The following SLC44A5 variants were observed in gnomAD, a reference collection of about 807,000 sequenced individuals.
SLC44A5 encodes solute carrier family 44 member 5.
SLC44A5 carries 57 observed loss-of-function variants against 101.8 expected under a neutral mutation model. That is an observed-to-expected ratio of 0.56 (90% CI 0.45 to 0.70). SLC44A5 has a LOEUF of 0.70. Among genes scored for constraint, SLC44A5 ranks in the 30% least tolerant of loss-of-function variants. The pLI is 0.00. For synonymous variants in SLC44A5, 281 were observed against 290.9 expected, an observed-to-expected ratio of 0.97 and a Z score of 0.35; for missense variants, 737 against 853.1, an observed-to-expected ratio of 0.86 and a Z score of 1.70.
chr1:75,668,441 T>C, the SLC44A5 span, among the ~76,000 whole-genome samples: 134,994 of 149,074 alleles, frequency 0.91, 61,467 homozygotes, highest in Middle Eastern at 0.94. Flanking sequence ...CCTCCAGCCT[T>C]AGCCTCCCGA....
At chr1:75,322,861 G>T (rs1165249083) in intron 4 of SLC44A5, among the ~76,000 whole-genome samples, 1 of 152,178 alleles carries the variant, frequency 6.6e-6, no homozygotes, top group Non-Finnish European at 1.5e-5. Context: ...CCAGGTAATT[G>T]TGACTAAGCT....
chr1:75,470,034 C>G (rs1460974609), intron 2 of SLC44A5, among the ~76,000 whole-genome samples: 1 of 151,742 alleles, frequency 6.6e-6, no homozygotes, highest in African/African-American at 2.4e-5. Context: ...TCTTTAGAGG[C>G]AAGTATTTAT....
intron 1 of SLC44A5, among the ~76,000 whole-genome samples, chr1:75,589,475 T>C (rs1290170453): frequency 2.0e-5 from 3 of 152,212 alleles, no homozygotes; most frequent in Non-Finnish European, 4.4e-5. Context: ...TTTAGACTTT[T>C]GAATATTTAT....
chr1:75,631,649 G>A, the SLC44A5 span, among the ~76,000 whole-genome samples: 1 of 142,626 alleles, frequency 7.0e-6, no homozygotes, highest in African/African-American at 2.6e-5. Context: ...CGATTCTCCT[G>A]CCTCAGCCTC....
chr1:75,721,118 G>A, the SLC44A5 span, among the ~76,000 whole-genome samples: 3 of 152,158 alleles, frequency 2.0e-5, no homozygotes, highest in African/African-American at 7.2e-5. Flanking sequence ...CTGTGTTGAT[G>A]TTAACATCAC....
chr1:75,540,358 A>T (rs927307657), intron 2 of SLC44A5, among the ~76,000 whole-genome samples: 1 of 152,202 alleles, frequency 6.6e-6, no homozygotes, highest in African/African-American at 2.4e-5. Context: ...AATGTCCTCT[A>T]AGTCTGTCGT....
At chr1:75,533,095 C>T (rs1380222855) in intron 2 of SLC44A5, among the ~76,000 whole-genome samples, 1 of 152,106 alleles carries the variant, frequency 6.6e-6, no homozygotes, top group Non-Finnish European at 1.5e-5. Flanking sequence ...AAATTCAGCC[C>T]ATTGTAGACC....
chr1:75,478,961 C>CCACACCA (rs1335036440), intron 2 of SLC44A5, among the ~76,000 whole-genome samples: 1 of 152,172 alleles, frequency 6.6e-6, no homozygotes, highest in East Asian at 1.9e-4. Context: ...TGTTTCAGCA[C>CCACACCA]CACACCACAC....
rs930973610 is a variant in SLC44A5, at chr1:75,426,238, T to C, written c.14-29617A>G. Reference sequence around the variant, plus strand: ...GAAGCCAAGCCAAACCGTAGCAGGATTTAGTTAATTTACGGTGGGAAAATA... The same window carrying C: ...GAAGCCAAGCCAAACCGTAGCAGGACTTAGTTAATTTACGGTGGGAAAATA... On this transcript the variant is annotated intron_variant, in intron 2 of 23. Coordinates refer to ENST00000370859, the MANE Select transcript of SLC44A5 (RefSeq NM_001130058.2). Among the ~76,000 whole-genome samples, 5 of 152,204 alleles carry C rather than the reference T, an allele frequency of 3.3e-5. No individual in the cohort carries two copies. In the East Asian group the frequency reaches 9.6e-4, roughly 29 times the overall value.
intron 3 of SLC44A5, among the ~76,000 whole-genome samples, chr1:75,366,092 G>C (rs917879794): frequency 1.3e-5 from 2 of 152,054 alleles, no homozygotes; most frequent in Non-Finnish European, 2.9e-5. Context: ...CACCATTAAA[G>C]TATTAGAATA....
chr1:75,245,378 G>T (rs1649016544), intron 7 of SLC44A5, among the ~76,000 whole-genome samples: 1 of 152,118 alleles, frequency 6.6e-6, no homozygotes, highest in Non-Finnish European at 1.5e-5. Flanking sequence ...CTTTTAGAAG[G>T]TTAAGATGAT....
chr1:75,526,634 CT>C (rs747024458), intron 2 of SLC44A5, among the ~76,000 whole-genome samples: 4 of 152,182 alleles, frequency 2.6e-5, no homozygotes, highest in Non-Finnish European at 5.9e-5. Context: ...GTTTCTAAAT[CT>C]TTCTGAGAGG....
chr1:75,376,278 C>G (rs927859866), intron 3 of SLC44A5, among the ~76,000 whole-genome samples: 1 of 152,252 alleles, frequency 6.6e-6, no homozygotes, highest in Non-Finnish European at 1.5e-5. Flanking sequence ...CCGCCATTGC[C>G]CAGGCTTGCC....
At chr1:75,695,568 C>T in the SLC44A5 span, among the ~76,000 whole-genome samples, 3 of 151,884 alleles carry the variant, frequency 2.0e-5, no homozygotes, top group South Asian at 6.2e-4. Flanking sequence ...AGCATACATC[C>T]CCAATTCCTA....
intron 1 of SLC44A5, among the ~76,000 whole-genome samples, chr1:75,571,456 T>A (rs1438616268): frequency 6.6e-6 from 1 of 152,164 alleles, no homozygotes; most frequent in East Asian, 1.9e-4. Context: ...CAACTTAATT[T>A]TTTTACTTTG....
chr1:75,615,983 G>T, upstream of SLC44A5: 1 of 687,028 alleles, frequency 1.5e-6, no homozygotes, highest in Non-Finnish European at 1.8e-6. Context: ...AGCTCAGCGA[G>T]CTCTTTGTTG....
At chr1:75,269,826 G>A (rs1294591790) in intron 6 of SLC44A5, among the ~76,000 whole-genome samples, 1 of 151,960 alleles carries the variant, frequency 6.6e-6, no homozygotes, top group Non-Finnish European at 1.5e-5. Flanking sequence ...GATATGGTTT[G>A]GCTGTATCCC....
At chr1:75,463,482 C>T (rs1186043880) in intron 2 of SLC44A5, among the ~76,000 whole-genome samples, 1 of 145,072 alleles carries the variant, frequency 6.9e-6, no homozygotes, top group East Asian at 2.0e-4. Flanking sequence ...AAATAACGTA[C>T]AATGGAGCTC....
the SLC44A5 span, among the ~76,000 whole-genome samples, chr1:75,707,281 A>G: frequency 6.6e-6 from 1 of 152,210 alleles, no homozygotes; most frequent in Admixed American, 6.5e-5. Flanking sequence ...TAGTGGCCAA[A>G]GAGCAGTCTC....
Sources: allele counts gnomAD v4.1 joint callset (sites outside exome capture counted in the v4.1 genomes callset), GRCh38; gene constraint gnomAD v4.1.1; transcripts MANE v1.5; gene names NCBI Gene and HGNC (gene_info 2026-07-23, HGNC 2026-07-21).